POLR2D: variants seen among roughly 807,000 people sequenced by gnomAD.
POLR2D encodes the protein RNA polymerase II subunit D, also known as DNA-directed RNA polymerase II subunit RPB4.
POLR2D carries 10 observed loss-of-function variants against 17.6 expected under a neutral mutation model. The ratio of observed to expected loss-of-function variants is 0.57; its 90% CI spans 0.35 to 0.96. POLR2D has a LOEUF of 0.96. Among genes scored for constraint, POLR2D ranks in the 40% least tolerant of loss-of-function variants. The pLI, the probability that POLR2D is intolerant of heterozygous loss-of-function variation, is 0.02. For missense variants in POLR2D, 126 were observed against 176.4 expected (o/e 0.71, Z 1.62); for synonymous variants, 52 against 60.2 (o/e 0.86, Z 0.63).
chr2:127,850,297 A>AAGTGTGGT (rs1459965679), intron 3 of POLR2D, among the ~76,000 whole-genome samples: 2 of 151,792 alleles, frequency 1.3e-5, no homozygotes, highest in Non-Finnish European at 2.9e-5. Flanking sequence ...AAAATTAGCC[A>AAGTGTGGT]AGTGTGGTGG....
rs1415137360 is a variant in POLR2D at position 127,852,374 on chromosome 2, C to T, written c.254+551G>A. On this transcript the variant is annotated intron_variant, in intron 2 of 3. Coordinates refer to ENST00000272645, the MANE Select transcript of POLR2D (RefSeq NM_004805.4). The surrounding 1 kb of genome is among the most constrained non-coding windows in gnomAD (Gnocchi z 4.0). ...CCTCCCACTTCAGCCTCCCAAGTAACTAGGACCACAGGTACCTGCCACCAC... is the reference window on the plus strand; with the variant it reads ...CCTCCCACTTCAGCCTCCCAAGTAATTAGGACCACAGGTACCTGCCACCAC... Among the ~76,000 whole-genome samples, 1 of 152,154 alleles carries T rather than the reference C, an allele frequency of 6.6e-6. No homozygotes were observed. Among genetic ancestry groups the T allele is most frequent in the Non-Finnish European group, 1.5e-5 (1 of 68,018 alleles).
chr2:127,856,618 T>A (rs1454119575), intron 1 of POLR2D, among the ~76,000 whole-genome samples: 4 of 151,556 alleles, frequency 2.6e-5, no homozygotes. Flanking sequence ...TTAAAAAAAA[T>A]AAATTAACAA....
intron 1 of POLR2D, chr2:127,856,804 G>C (rs1217639527): frequency 1.3e-5 from 2 of 152,150 alleles, no homozygotes; most frequent in Non-Finnish European, 2.9e-5. Flanking sequence ...GGGAGGCCGA[G>C]CTGGGTGGAT....
At position 127,848,049 on chromosome 2, in the gene POLR2D, G is replaced by A. The variant is rs1690183477; in HGVS notation, c.*58C>T. ...CTGTGCAAGTCAGCCCCAGACAGTG[G>A]GAAGGTGGTGTTATGCCTGGGGATG... On this transcript the variant is annotated 3_prime_UTR_variant, in exon 4 of 4. Coordinates refer to ENST00000272645, the MANE Select transcript of POLR2D (RefSeq NM_004805.4). 5.4e-6 allele frequency: 6 copies of A among 1,105,290 alleles called. No individual in the cohort carries two copies. The Admixed American group carries it at 1.0e-4, about 19-fold the overall frequency. The allele number at this position is 1,105,290 out of a possible 1,614,324, so 68.5% of individuals were successfully genotyped here.
Position 127,858,065 on chromosome 2 carries a change from G to C in POLR2D, c.36C>G (p.Asp12Glu). The change falls in exon 1 of 4, where the codon GAC becomes GAG. Residue 12 changes from aspartate (D) to glutamate (E), a missense_variant. Around this residue, in one of 2 missense-constraint regions of POLR2D, gnomAD observed 41 missense variants for 24.9 expected, o/e 1.64. Coordinates refer to ENST00000272645, the MANE Select transcript of POLR2D (RefSeq NM_004805.4). ...TGAGCTGTGAGGCGTCCTCCTCTAC[G>C]TCGCCAGCCCGCGGATCGCTGCCAC... ...AAGGSDPRAGDVEEDASQLIF... is the reference protein window; with the variant it reads ...AAGGSDPRAGEVEEDASQLIF... The C allele has an allele frequency of 6.4e-7, 1 of 1,552,922 alleles. No individual in the cohort carries two copies. Among genetic ancestry groups the C allele is most frequent in the Non-Finnish European group, 8.7e-7 (1 of 1,153,420 alleles).
Position 127,850,586 on chromosome 2 carries a change from TA to T in POLR2D, c.350+3del. The T allele has an allele frequency of 7.1e-7, 1 of 1,403,788 alleles. No individual in the cohort carries two copies. Among genetic ancestry groups the T allele is most frequent in the Non-Finnish European group, 9.9e-7 (1 of 1,005,870 alleles). The allele number at this position is 1,403,788 out of a possible 1,614,324, so 87.0% of individuals were successfully genotyped here. On this transcript the variant is annotated splice_donor_region_variant and intron_variant, in intron 3 of 3. Coordinates refer to ENST00000272645, the MANE Select transcript of POLR2D (RefSeq NM_004805.4). ...ACAGAGAACTTATCACAACTGGTACTAACCTTGGGATTAGAGCCTTGGACTC... is the reference window on the plus strand; with the variant it reads ...ACAGAGAACTTATCACAACTGGTACTACCTTGGGATTAGAGCCTTGGACTC...
chr2:127,848,585 C>T lies in POLR2D; in HGVS notation c.351-400G>A, dbSNP rs1487268422. 3.3e-5 allele frequency among the ~76,000 whole-genome samples: 5 copies of T among 152,076 alleles called. No individual in the cohort carries two copies. The East Asian group carries it at 9.7e-4, about 29-fold the overall frequency. On this transcript the variant is annotated intron_variant, in intron 3 of 3. Coordinates refer to ENST00000272645, the MANE Select transcript of POLR2D (RefSeq NM_004805.4). ...AGGCTGGAGTGCAGTGGCGCAATCTCGGCTCACTGCAAGCTCCGCCTTCCG... is the reference window on the plus strand; with the variant it reads ...AGGCTGGAGTGCAGTGGCGCAATCTTGGCTCACTGCAAGCTCCGCCTTCCG...
rs1273746305 is a variant in POLR2D, at chr2:127,852,627, C to T, written c.254+298G>A. Among the ~76,000 whole-genome samples, 3 of 152,156 alleles carry T rather than the reference C, an allele frequency of 2.0e-5. No individual in the cohort carries two copies. Among genetic ancestry groups the T allele is most frequent in the South Asian group, 2.1e-4 (1 of 4,836 alleles). ...TGCAACCTTGGCCTACAGATTCAAG[C>T]GATTCTCCCGCCTCGGCCTCCTGAG... On this transcript the variant is annotated intron_variant, in intron 2 of 3. Coordinates refer to ENST00000272645, the MANE Select transcript of POLR2D (RefSeq NM_004805.4). The surrounding 1 kb of genome is among the most constrained non-coding windows in gnomAD (Gnocchi z 4.0).
At chr2:127,857,871 GTCCCTCCCAAGGCCATGT>G (rs1346471231) in intron 1 of POLR2D, 139 bp downstream of exon 1, 32 of 1,344,716 alleles carry the variant, frequency 2.4e-5, no homozygotes, top group South Asian at 1.7e-4. Context: ...CAAGGCCATG[GTCCCTCCCAAGGCCATGT>G]TCCCTCCCCA....
At position 127,852,866 on chromosome 2, in the gene POLR2D, C is replaced by G. The variant is rs528370761; in HGVS notation, c.254+59G>C. ...CACCTGGGAAAGGGGGAGGGGACAG[C>G]ATTCTACATGCAGTTGTCCAATGGT... On this transcript the variant is annotated intron_variant, in intron 2 of 3. Coordinates refer to ENST00000272645, the MANE Select transcript of POLR2D (RefSeq NM_004805.4). The surrounding 1 kb of genome is among the most constrained non-coding windows in gnomAD (Gnocchi z 4.0). 6 of 1,157,558 alleles carry G rather than the reference C, an allele frequency of 5.2e-6. No individual in the cohort carries two copies. In the African/African-American group the frequency reaches 7.7e-5, roughly 15 times the overall value. 71.7% of individuals were successfully genotyped at this position (1,157,558 alleles called of 1,614,324 possible). A position where few individuals can be genotyped will look rare whatever the true frequency, so the allele number is the denominator to read the frequency against.
intron 1 of POLR2D, among the ~76,000 whole-genome samples, chr2:127,854,149 A>C (rs964248392): frequency 1.3e-5 from 2 of 152,222 alleles, no homozygotes; most frequent in Non-Finnish European, 1.5e-5. Flanking sequence ...AAATGTTATA[A>C]GCAATTTTTA....
chr2:127,858,027 C>T lies in POLR2D; in HGVS notation c.73+1G>A. The T allele has an allele frequency of 6.3e-7, 1 of 1,578,296 alleles. No individual in the cohort carries two copies. Among genetic ancestry groups the T allele is most frequent in the Non-Finnish European group, 8.6e-7 (1 of 1,165,040 alleles). On this transcript the variant is annotated splice_donor_variant, in intron 1 of 3. Coordinates refer to ENST00000272645, the MANE Select transcript of POLR2D (RefSeq NM_004805.4). LOFTEE classifies it high-confidence loss of function. ...GGGAGTCTGGCAGCCCCGAGCCCAA[C>T]CTTTAGGAAAGATGAGCTGTGAGGC...
At position 127,852,337 on chromosome 2, in the gene POLR2D, G is replaced by A. The variant is rs1184085522; in HGVS notation, c.254+588C>T. Among the ~76,000 whole-genome samples the A allele has an allele frequency of 6.6e-6, 1 of 152,132 alleles. No individual in the cohort carries two copies. The highest frequency in any genetic ancestry group is 1.5e-5 in the Non-Finnish European group (1 of 68,030). ...AGCTCACTAAAGCCTCAACCTCCCAGGCTCACATGATCCTCCCACTTCAGC... is the reference window on the plus strand; with the variant it reads ...AGCTCACTAAAGCCTCAACCTCCCAAGCTCACATGATCCTCCCACTTCAGC... On this transcript the variant is annotated intron_variant, in intron 2 of 3. Coordinates refer to ENST00000272645, the MANE Select transcript of POLR2D (RefSeq NM_004805.4). This position sits in a 1 kb window ranked among gnomAD's most constrained non-coding sequence, Gnocchi z 4.0.
rs55823114 is a variant in POLR2D, at chr2:127,852,595, G to A, written c.254+330C>T. Among the ~76,000 whole-genome samples the A allele has an allele frequency of 2.3e-3, 353 of 152,256 alleles. 2 individuals carry two copies. The East Asian group carries it at 0.024, about 10-fold the overall frequency. On this transcript the variant is annotated intron_variant, in intron 2 of 3. Transcript: ENST00000272645. The surrounding 1 kb of genome is among the most constrained non-coding windows in gnomAD (Gnocchi z 4.0). Reference sequence around the variant, plus strand: ...GGTTGGAGTGCAGTTGCGCAATCTCGGCTCACTGCAACCTTGGCCTACAGA... The same window carrying A: ...GGTTGGAGTGCAGTTGCGCAATCTCAGCTCACTGCAACCTTGGCCTACAGA...
chr2:127,844,096 C>A lies in POLR2D; in HGVS notation c.*4011G>T. The stretch of plus-strand genomic sequence containing the variant: ...TCCAGCCTGGGCGACAGAGCAAGAT[C>A]CTGCTGTATCCAAAAAAAAAAAAAA... On this transcript the variant is annotated 3_prime_UTR_variant, in exon 4 of 4. Transcript: ENST00000272645. 1.2e-5 allele frequency: 1 copy of A among 81,792 alleles called. No individual in the cohort carries two copies. Among genetic ancestry groups the A allele is most frequent in the Non-Finnish European group, 2.4e-5 (1 of 42,206 alleles). 5.1% of individuals were successfully genotyped at this position (81,792 alleles called of 1,614,324 possible).
rs532240129 is a variant in POLR2D at position 127,847,860 on chromosome 2, A to G, written c.*247T>C. 9 of 517,928 alleles carry G rather than the reference A, an allele frequency of 1.7e-5. No homozygotes were observed. The East Asian group carries it at 3.3e-4, about 19-fold the overall frequency. 32.1% of individuals were successfully genotyped at this position (517,928 alleles called of 1,614,324 possible). ...GTGGTTATGTGACCCCTCATCTCAC[A>G]CTTCGCAGAGGCACGTTCAGGAAGC... On this transcript the variant is annotated 3_prime_UTR_variant, in exon 4 of 4. Coordinates refer to ENST00000272645, the MANE Select transcript of POLR2D (RefSeq NM_004805.4).
chr2:127,855,981 G>C (rs151239179), intron 1 of POLR2D, among the ~76,000 whole-genome samples: 1 of 152,096 alleles, frequency 6.6e-6, no homozygotes, highest in Non-Finnish European at 1.5e-5. Context: ...CCGAGGATAC[G>C]TCATTACGAC....
At position 127,844,205 on chromosome 2, in the gene POLR2D, A is replaced by G. The variant is rs1400513802; in HGVS notation, c.*3902T>C. ...TGCAGAAAAAAAGGCACCATCTTGG[A>G]CCAGAAAGCCGCCCTTGCCAGACAC... On this transcript the variant is annotated 3_prime_UTR_variant, in exon 4 of 4. Coordinates refer to ENST00000272645, the MANE Select transcript of POLR2D (RefSeq NM_004805.4). The G allele has an allele frequency of 6.6e-6, 1 of 151,192 alleles. No individual in the cohort carries two copies. The highest frequency in any genetic ancestry group is 6.6e-5 in the Admixed American group (1 of 15,152). 9.4% of individuals were successfully genotyped at this position (151,192 alleles called of 1,614,324 possible). A position where few individuals can be genotyped will look rare whatever the true frequency, so the allele number is the denominator to read the frequency against.
chr2:127,848,487 C>T (rs1451400185), intron 3 of POLR2D, among the ~76,000 whole-genome samples: 2 of 151,844 alleles, frequency 1.3e-5, no homozygotes, highest in African/African-American at 4.8e-5. Context: ...CTCGGCTCAC[C>T]AAAACCTCCA....
Sources: gnomAD v4.1 joint callset for allele counts (sites outside exome capture counted in the v4.1 genomes callset) on GRCh38, gnomAD v4.1.1 for gene constraint, gnomAD v4.1.1 regional missense constraint, Gnocchi (gnomAD v3.1) non-coding constraint, MANE v1.5 for transcripts, NCBI Gene and HGNC (gene_info 2026-07-23, HGNC 2026-07-21) for gene names.